The following KCNQ1OT1 variants were observed in gnomAD, a reference collection of about 807,000 sequenced individuals.
KCNQ1OT1 encodes the protein KCNQ1 opposite strand/antisense transcript 1, also known as KCNQ1 antisense RNA 2 (non-protein coding).
exon 1 of KCNQ1OT1, chr11:2,684,734 G>A: frequency 2.5e-6 from 1 of 398,622 alleles, no homozygotes; most frequent in East Asian, 3.6e-5. Flanking sequence ...CCCAGGGTAG[G>A]TCTGCCTGGG....
rs546865135 is a variant in KCNQ1OT1, at chr11:2,694,619, GA to G, written n.5375del. The G allele has an allele frequency of 4.5e-5, 18 of 398,580 alleles. No individual in the cohort carries two copies. The South Asian group carries it at 1.7e-3, about 37-fold the overall frequency. The allele number at this position is 398,580 out of a possible 1,614,324, so 24.7% of individuals were successfully genotyped here. ...TGGCCTCTTCCTTCGTTCAATAAAT[GA>G]ATGAAACCATTCAACAGAAATCTGT... is the stretch of plus-strand genomic sequence containing the variant. On this transcript the variant is annotated non_coding_transcript_exon_variant, in exon 1 of 1. Transcript: ENST00000597346.
exon 1 of KCNQ1OT1, chr11:2,609,396 T>C (rs1378575395): frequency 2.5e-5 from 10 of 398,360 alleles, no homozygotes; most frequent in Admixed American, 8.8e-5. Flanking sequence ...CCTTGTATTA[T>C]TTCAATCCTT....
At chr11:2,684,237 C>G (rs1850447483) in exon 1 of KCNQ1OT1, 1 of 398,564 alleles carries the variant, frequency 2.5e-6, no homozygotes, top group Non-Finnish European at 4.4e-6. Flanking sequence ...CTGACCCTAC[C>G]CAGTACCTTC....
chr11:2,680,753 C>T (rs905471991), exon 1 of KCNQ1OT1: 1 of 284,174 alleles, frequency 3.5e-6, no homozygotes, highest in Non-Finnish European at 6.5e-6. Flanking sequence ...TAGCCCCTGA[C>T]AACTACTAAC....
At chr11:2,640,357 C>G in exon 1 of KCNQ1OT1, 2 of 398,650 alleles carry the variant, frequency 5.0e-6, no homozygotes, top group South Asian at 1.3e-4. Context: ...AACCACCCCA[C>G]TTACTGCAAT....
exon 1 of KCNQ1OT1, chr11:2,648,323 T>G: frequency 2.5e-6 from 1 of 398,614 alleles, no homozygotes; most frequent in Non-Finnish European, 4.4e-6. Flanking sequence ...TAGGTTTGAT[T>G]TGTTCTTGCT....
At chr11:2,634,037 T>G (rs1849408085) in exon 1 of KCNQ1OT1, 1 of 398,650 alleles carries the variant, frequency 2.5e-6, no homozygotes, top group African/African-American at 2.1e-5. Flanking sequence ...AGCTTCATTC[T>G]GCCTGCTCAG....
At position 2,683,719 on chromosome 11, in the gene KCNQ1OT1, T is replaced by A; in HGVS notation, n.16276A>T. On this transcript the variant is annotated non_coding_transcript_exon_variant, in exon 1 of 1. Transcript: ENST00000597346. The surrounding 1 kb of genome is among the most constrained non-coding windows in gnomAD (Gnocchi z 4.7). ...GGGACTCAGGCCTTTCCTTACTCCC[T>A]CTGGTTACCTAGCTTTAGCTCTGAG... 1 of 398,610 alleles carries A rather than the reference T, an allele frequency of 2.5e-6. No individual in the cohort carries two copies. The highest frequency in any genetic ancestry group is 3.6e-5 in the East Asian group (1 of 28,078). The allele number at this position is 398,610 out of a possible 1,614,324, so 24.7% of individuals were successfully genotyped here. A position where few individuals can be genotyped will look rare whatever the true frequency, so the allele number is the denominator to read the frequency against.
At chr11:2,685,456 G>A in exon 1 of KCNQ1OT1, 1 of 398,736 alleles carries the variant, frequency 2.5e-6, no homozygotes, top group Non-Finnish European at 4.4e-6. Flanking sequence ...TTATCCAGAA[G>A]CCCAGTGCAA....
rs532564791 is a variant in KCNQ1OT1, at chr11:2,662,598, C to T, written n.37397G>A. 45 of 416,922 alleles carry T rather than the reference C, an allele frequency of 1.1e-4. No individual in the cohort carries two copies. Among genetic ancestry groups the T allele is most frequent in the Middle Eastern group, 6.2e-4 (1 of 1,626 alleles). 25.8% of individuals were successfully genotyped at this position (416,922 alleles called of 1,614,324 possible). On this transcript the variant is annotated non_coding_transcript_exon_variant, in exon 1 of 1. Transcript: ENST00000597346. ...CCTGGGATGCATGCCCGTCCTCCCC[C>T]GCCGTCACGGCATGGCCAGGCCAAT... is the stretch of plus-strand genomic sequence containing the variant.
At chr11:2,630,227 T>C (rs1849331140) in exon 1 of KCNQ1OT1, 1 of 398,370 alleles carries the variant, frequency 2.5e-6, no homozygotes, top group African/African-American at 2.1e-5. Flanking sequence ...CTTGTATATG[T>C]ACACTTAACT....
In KCNQ1OT1 at chr11:2,695,090, C is replaced by G. The variant is rs1479360959; in HGVS notation, n.4905G>C. 1 of 398,508 alleles carries G rather than the reference C, an allele frequency of 2.5e-6. No individual in the cohort carries two copies. The highest frequency in any genetic ancestry group is 4.4e-6 in the Non-Finnish European group (1 of 226,100). The allele number at this position is 398,508 out of a possible 1,614,324, so 24.7% of individuals were successfully genotyped here. A position where few individuals can be genotyped will look rare whatever the true frequency, so the allele number is the denominator to read the frequency against. ...GAATTTTATTTCCTAGAAATAGAAGCCACTAGAGGGTATCTGGCAGGAGAG... is the reference window on the plus strand; with the variant it reads ...GAATTTTATTTCCTAGAAATAGAAGGCACTAGAGGGTATCTGGCAGGAGAG... On this transcript the variant is annotated non_coding_transcript_exon_variant, in exon 1 of 1. Transcript: ENST00000597346. The surrounding 1 kb of genome is among the most constrained non-coding windows in gnomAD (Gnocchi z 5.2).
Position 2,657,368 on chromosome 11 carries a change from C to T in KCNQ1OT1, n.42627G>A. The T allele has an allele frequency of 2.5e-6, 1 of 398,548 alleles. No homozygotes were observed. Among genetic ancestry groups the T allele is most frequent in the Non-Finnish European group, 4.4e-6 (1 of 226,054 alleles). The allele number at this position is 398,548 out of a possible 1,614,324, so 24.7% of individuals were successfully genotyped here. On this transcript the variant is annotated non_coding_transcript_exon_variant, in exon 1 of 1. Transcript: ENST00000597346. The surrounding 1 kb of genome is among the most constrained non-coding windows in gnomAD (Gnocchi z 4.8). Reference sequence around the variant, plus strand: ...TGAAGGCATATTTCTCCATTTATATCTTCTTCATTGTCTCTTACTAAAGTT... The same window carrying T: ...TGAAGGCATATTTCTCCATTTATATTTTCTTCATTGTCTCTTACTAAAGTT...
At position 2,698,711 on chromosome 11, in the gene KCNQ1OT1, C is replaced by T. The variant is rs1224697643; in HGVS notation, n.1284G>A. ...CCCAAAGACAGACTCCAGACCCTGA[C>T]TCCAGTCGCCAACTCGGACCTCCCT... On this transcript the variant is annotated non_coding_transcript_exon_variant, in exon 1 of 1. Transcript: ENST00000597346. This position sits in a 1 kb window ranked among gnomAD's most constrained non-coding sequence, Gnocchi z 5.1. 2.5e-6 allele frequency: 1 copy of T among 398,830 alleles called. No homozygotes were observed. Among genetic ancestry groups the T allele is most frequent in the African/African-American group, 2.1e-5 (1 of 48,592 alleles). 24.7% of individuals were successfully genotyped at this position (398,830 alleles called of 1,614,324 possible).
chr11:2,610,571 C>T (rs1848963547), exon 1 of KCNQ1OT1: 1 of 398,332 alleles, frequency 2.5e-6, no homozygotes, highest in Admixed American at 4.4e-5. Flanking sequence ...CCTGGGAGCA[C>T]TTCCTTTTTG....
exon 1 of KCNQ1OT1, chr11:2,631,755 T>C (rs1589992609): frequency 5.0e-6 from 2 of 398,640 alleles, no homozygotes; most frequent in East Asian, 7.1e-5. Flanking sequence ...TTCTTGCAGC[T>C]CCATCAGCTG....
exon 1 of KCNQ1OT1, chr11:2,632,279 G>C: frequency 2.5e-6 from 1 of 397,910 alleles, no homozygotes; most frequent in East Asian, 3.6e-5. Flanking sequence ...TTTTTGTGGT[G>C]AGTTTTCAGG....
In KCNQ1OT1 at chr11:2,618,411, T is replaced by A. The variant is rs148836180; in HGVS notation, n.81584A>T. The A allele has an allele frequency of 2.0e-5, 8 of 398,592 alleles. No homozygotes were observed. The East Asian group carries it at 2.5e-4, about 12-fold the overall frequency. The allele number at this position is 398,592 out of a possible 1,614,324, so 24.7% of individuals were successfully genotyped here. On this transcript the variant is annotated non_coding_transcript_exon_variant, in exon 1 of 1. Transcript: ENST00000597346. ...TACATGTGGTCTGTGGGCCATGGGT[T>A]GGACAAGCCACAGAACTGGGTTTCC...
chr11:2,669,869 G>C lies in KCNQ1OT1; in HGVS notation n.30126C>G. 1 of 398,630 alleles carries C rather than the reference G, an allele frequency of 2.5e-6. No homozygotes were observed. Among genetic ancestry groups the C allele is most frequent in the Non-Finnish European group, 4.4e-6 (1 of 226,088 alleles). The allele number at this position is 398,630 out of a possible 1,614,324, so 24.7% of individuals were successfully genotyped here. A position where few individuals can be genotyped will look rare whatever the true frequency, so the allele number is the denominator to read the frequency against. ...ACAAATGGGGTCACAACATATGGCT[G>C]TCAGCTGCTGTCCTTAATAAGATGT... On this transcript the variant is annotated non_coding_transcript_exon_variant, in exon 1 of 1. Transcript: ENST00000597346. The surrounding 1 kb of genome is among the most constrained non-coding windows in gnomAD (Gnocchi z 5.6).
Sources: allele counts gnomAD v4.1 joint callset, GRCh38; gene constraint gnomAD v4.1.1; non-coding constraint Gnocchi (gnomAD v3.1); transcripts MANE v1.5; gene names NCBI Gene and HGNC (gene_info 2026-07-23, HGNC 2026-07-21).